The following CNBD1 variants were observed in gnomAD, a reference collection of about 807,000 sequenced individuals.
CNBD1 encodes the protein cyclic nucleotide binding domain containing 1, also known as cyclic nucleotide-binding domain-containing protein 1.
In CNBD1, 71 loss-of-function variants were observed where a neutral mutation model predicts 54.4. The observed-to-expected ratio is 1.30, with a 90% CI of 1.08 to 1.59. The LOEUF (loss-of-function observed/expected upper bound fraction) is 1.59. Among genes scored for constraint, CNBD1 ranks in the 40% most tolerant of loss-of-function variants. The pLI is 0.00. For synonymous variants in CNBD1, 182 were observed against 170.7 expected, an observed-to-expected ratio of 1.07 and a Z score of -0.51; for missense variants, 659 against 518.0, an observed-to-expected ratio of 1.27 and a Z score of -2.64.
intron 4 of CNBD1, among the ~76,000 whole-genome samples, chr8:87,168,834 T>C (rs1020087724): frequency 6.6e-5 from 10 of 152,148 alleles, no homozygotes; most frequent in African/African-American, 2.4e-4. Context: ...CATCTGTTGA[T>C]GGACACTTCA....
intron 8 of CNBD1, among the ~76,000 whole-genome samples, chr8:87,320,556 A>G (rs1011688351): frequency 2.7e-5 from 4 of 147,902 alleles, no homozygotes; most frequent in African/African-American, 1.0e-4. Flanking sequence ...GATTAACAGG[A>G]TTTCATGTAA....
At chr8:87,328,071 A>G (rs1586017503) in intron 8 of CNBD1, among the ~76,000 whole-genome samples, 2 of 152,130 alleles carry the variant, frequency 1.3e-5, no homozygotes, top group South Asian at 4.2e-4. Context: ...TGCACCTATC[A>G]ACCCGTCATC....
chr8:87,427,437 G>A (rs1222015644), intron 2 of CNBD1, among the ~76,000 whole-genome samples: 2 of 152,020 alleles, frequency 1.3e-5, no homozygotes, highest in Non-Finnish European at 2.9e-5. Flanking sequence ...CCGATATGTA[G>A]TCTGGCTTAA....
chr8:87,071,187 A>G (rs997305187), intron 4 of CNBD1, among the ~76,000 whole-genome samples: 1 of 152,054 alleles, frequency 6.6e-6, no homozygotes, highest in East Asian at 1.9e-4. Flanking sequence ...GCATATTTTC[A>G]TGGTTATTCA....
intron 8 of CNBD1, among the ~76,000 whole-genome samples, chr8:87,316,365 T>C (rs1319787189): frequency 1.3e-5 from 2 of 152,044 alleles, no homozygotes; most frequent in Admixed American, 6.6e-5. Context: ...TTTCCATTTT[T>C]TGCTTATCAC....
At chr8:87,210,369 C>T (rs1814070648) in intron 5 of CNBD1, among the ~76,000 whole-genome samples, 1 of 152,142 alleles carries the variant, frequency 6.6e-6, no homozygotes, top group Admixed American at 6.6e-5. Context: ...TGTGGAGCAA[C>T]CACTTGTTAG....
chr8:86,898,750 T>A (rs1808884757), intron 2 of CNBD1, among the ~76,000 whole-genome samples: 1 of 152,066 alleles, frequency 6.6e-6, no homozygotes, highest in Non-Finnish European at 1.5e-5. Context: ...CTAGGTAACG[T>A]TGGGTTTGGT....
intron 4 of CNBD1, among the ~76,000 whole-genome samples, chr8:87,066,591 A>G (rs932844205): frequency 1.3e-5 from 2 of 151,954 alleles, no homozygotes; most frequent in Admixed American, 1.3e-4. Context: ...ATAGTCAAAT[A>G]TATTGATTGT....
intron 4 of CNBD1, among the ~76,000 whole-genome samples, chr8:87,005,122 G>C (rs577998052): frequency 2.0e-5 from 3 of 151,804 alleles, no homozygotes; most frequent in African/African-American, 7.3e-5. Context: ...GGTGGCTCAC[G>C]CTTGTAATCC....
intron 8 of CNBD1, among the ~76,000 whole-genome samples, chr8:87,290,914 G>T (rs919197671): frequency 1.3e-5 from 2 of 152,090 alleles, no homozygotes; most frequent in Non-Finnish European, 2.9e-5. Context: ...TTGGCTTAAA[G>T]AAGTTTTACC....
At chr8:87,016,533 G>A (rs1343844040) in intron 4 of CNBD1, among the ~76,000 whole-genome samples, 4 of 151,190 alleles carry the variant, frequency 2.6e-5, no homozygotes, top group Non-Finnish European at 5.9e-5. Flanking sequence ...ATAGGGAAAG[G>A]GCAAAACCAT....
At chr8:86,939,457 G>A (rs536174497) in intron 3 of CNBD1, 139 bp from the exon 4 acceptor site, 16 of 501,596 alleles carry the variant, frequency 3.2e-5, no homozygotes, top group Middle Eastern at 5.2e-4. Context: ...ACATTCTAAT[G>A]CATTTAAAAA....
intron 6 of CNBD1, among the ~76,000 whole-genome samples, chr8:87,283,834 C>T (rs546807038): frequency 7.9e-5 from 12 of 152,212 alleles, no homozygotes; most frequent in African/African-American, 2.6e-4. Context: ...GAACTCAGTT[C>T]TTCAGGACCT....
intron 4 of CNBD1, among the ~76,000 whole-genome samples, chr8:86,943,365 CAAAA>C (rs1158061860): frequency 7.7e-4 from 25 of 32,576 alleles, no homozygotes; most frequent in African/African-American, 1.1e-3. Context: ...GACTCCATCT[CAAAA>C]AAAAAAAAAA....
intron 2 of CNBD1, among the ~76,000 whole-genome samples, chr8:87,426,828 C>G (rs190014584): frequency 6.6e-6 from 1 of 152,248 alleles, no homozygotes; most frequent in Admixed American, 6.5e-5. Context: ...CATTGACAGA[C>G]CCAAAAGGTA....
intron 4 of CNBD1, among the ~76,000 whole-genome samples, chr8:87,030,108 T>G (rs1334501126): frequency 6.6e-6 from 1 of 152,236 alleles, no homozygotes; most frequent in Non-Finnish European, 1.5e-5. Flanking sequence ...AAGATAAACA[T>G]TTCAAAAATG....
intron 2 of CNBD1, among the ~76,000 whole-genome samples, chr8:87,409,867 G>GA (rs924181573): frequency 6.6e-6 from 1 of 151,672 alleles, no homozygotes. Flanking sequence ...TACTAAAATA[G>GA]AAAAAATTAG....
intron 4 of CNBD1, among the ~76,000 whole-genome samples, chr8:87,051,993 C>A (rs1204507406): frequency 6.6e-6 from 1 of 152,186 alleles, no homozygotes; most frequent in Non-Finnish European, 1.5e-5. Context: ...CCAGTGGTCC[C>A]CACCACAAGC....
chr8:86,981,654 A>G (rs1808491608), intron 4 of CNBD1, among the ~76,000 whole-genome samples: 1 of 152,190 alleles, frequency 6.6e-6, no homozygotes, highest in Non-Finnish European at 1.5e-5. Flanking sequence ...AAACAGAATC[A>G]TATAGTGTGA....
Sources: gnomAD v4.1 joint callset for allele counts (sites outside exome capture counted in the v4.1 genomes callset) on GRCh38, gnomAD v4.1.1 for gene constraint, MANE v1.5 for transcripts, NCBI Gene and HGNC (gene_info 2026-07-23, HGNC 2026-07-21) for gene names.